SATL1: variants seen among roughly 807,000 people sequenced by gnomAD.
SATL1 encodes spermidine/spermine N(1)-acetyltransferase-like protein 1.
Under a neutral mutation model 51.8 loss-of-function variants are expected in SATL1, and 47 were observed. The observed-to-expected ratio is 0.91, with a 90% confidence interval of 0.72 to 1.16. SATL1 has a LOEUF of 1.16. Ranked by LOEUF, SATL1 falls within the 50% of genes most tolerant of loss-of-function variation. The pLI is 0.00. For missense variants in SATL1, 520 were observed against 526.4 expected, an observed-to-expected ratio of 0.99 and a Z score of 0.12; for synonymous variants, 176 against 182.4, an observed-to-expected ratio of 0.97 and a Z score of 0.28.
intron 2 of SATL1, chrX:85,219,825 A>G (rs1928132850): frequency 9.1e-6 from 1 of 109,351 alleles, no homozygotes; most frequent in Admixed American, 9.8e-5. Context: ...GGGTACTCAG[A>G]GTGGAGCAAG....
chrX:85,218,099 C>T (rs746912384), intron 2 of SATL1, among the ~76,000 whole-genome samples: 1 of 109,121 alleles, frequency 9.2e-6, no homozygotes, highest in South Asian at 3.9e-4. Flanking sequence ...GAACAACAGA[C>T]ACTGGGGATC....
intron 2 of SATL1, among the ~76,000 whole-genome samples, chrX:85,136,458 A>G (rs943440899): frequency 3.6e-5 from 4 of 111,875 alleles, no homozygotes; most frequent in Admixed American, 2.9e-4. Context: ...AAGACTGAAA[A>G]TATTGTCTAT....
chrX:85,239,204 T>C (rs748097897), intron 1 of SATL1, among the ~76,000 whole-genome samples: 20 of 111,785 alleles, frequency 1.8e-4, no homozygotes, highest in Non-Finnish European at 3.8e-4. Context: ...CCAGACATAT[T>C]ATATTCAAAC....
At chrX:85,167,756 A>G (rs771403680) in intron 2 of SATL1, among the ~76,000 whole-genome samples, 2 of 111,325 alleles carry the variant, frequency 1.8e-5, no homozygotes, top group African/African-American at 6.5e-5. Context: ...ATTCCAAAAA[A>G]TTGAGGAAGA....
intron 2 of SATL1, among the ~76,000 whole-genome samples, chrX:85,159,529 A>C (rs7063199): frequency 0.049 from 5,420 of 111,384 alleles, 369 homozygotes; most frequent in African/African-American, 0.17. Flanking sequence ...ACCCCCAATA[A>C]ATAGAAATAT....
chrX:85,126,513 C>T (rs929507766), intron 2 of SATL1, among the ~76,000 whole-genome samples: 1 of 111,253 alleles, frequency 9.0e-6, no homozygotes, highest in Non-Finnish European at 1.9e-5. Context: ...CAATCTAGCA[C>T]CAGAGTTTGT....
intron 6 of SATL1, among the ~76,000 whole-genome samples, chrX:85,093,593 G>A (rs1924595164): frequency 8.9e-6 from 1 of 112,586 alleles, no homozygotes. Context: ...ACATGTGATG[G>A]CACGATGGCT....
chrX:85,120,337 G>A (rs775221254), intron 2 of SATL1, among the ~76,000 whole-genome samples: 1 of 111,476 alleles, frequency 9.0e-6, no homozygotes, highest in Non-Finnish European at 1.9e-5. Flanking sequence ...CTCCAAAAGA[G>A]GAAAAATACC....
rs138975101 is a variant in SATL1 at position 85,127,333 on chromosome X, C to T, written c.-312-18053G>A. 2.5e-3 allele frequency among the ~76,000 whole-genome samples: 279 copies of T among 111,450 alleles called. 1 individual carries two copies. Among genetic ancestry groups the T allele is most frequent in the African/African-American group, 7.7e-3 (237 of 30,707 alleles). On this transcript the variant is annotated intron_variant, in intron 2 of 7. Coordinates refer to ENST00000644105, the MANE Select transcript of SATL1 (RefSeq NM_001367857.2). The stretch of plus-strand genomic sequence containing the variant: ...TTGAGGATCAAAGAAGACAATGTTT[C>T]TGAAAGTCCTTTTTAAACTCTAAAG...
Position 85,213,551 on chromosome X carries a change from T to C in SATL1, c.-313+10654A>G, listed in dbSNP as rs1326844041. ...TATTTGTTAACATAATAAGTTGTGG[T>C]TCTTTTGAGAGGGGGACATTTTTGG... is the stretch of plus-strand genomic sequence containing the variant. On this transcript the variant is annotated intron_variant, in intron 2 of 7. Coordinates refer to ENST00000644105, the MANE Select transcript of SATL1 (RefSeq NM_001367857.2). Among the ~76,000 whole-genome samples the C allele has an allele frequency of 3.6e-5, 4 of 111,634 alleles. No individual in the cohort carries two copies. The East Asian group carries it at 8.5e-4, about 24-fold the overall frequency.
intron 7 of SATL1, 33 bp downstream of exon 7, chrX:85,093,152 G>C (rs749552525): frequency 1.8e-6 from 2 of 1,128,386 alleles, no homozygotes; most frequent in South Asian, 4.0e-5. Flanking sequence ...AAAGGTTAAT[G>C]TATAGAATAT....
At chrX:85,146,991 C>T (rs908527984) in intron 2 of SATL1, among the ~76,000 whole-genome samples, 3 of 112,461 alleles carry the variant, frequency 2.7e-5, no homozygotes, top group Admixed American at 9.3e-5. Context: ...TGCAGCGCAC[C>T]GTGCGAGAGC....
At chrX:85,175,553 A>C (rs1258145095) in intron 2 of SATL1, among the ~76,000 whole-genome samples, 1 of 111,838 alleles carries the variant, frequency 8.9e-6, no homozygotes, top group African/African-American at 3.2e-5. Context: ...ATTAACCAGA[A>C]TCCCAGGAAG....
At chrX:85,115,536 A>G (rs1192076120) in intron 2 of SATL1, among the ~76,000 whole-genome samples, 2 of 112,355 alleles carry the variant, frequency 1.8e-5, no homozygotes, top group Non-Finnish European at 3.8e-5. Context: ...ATATCCACAG[A>G]GGAGCCCATG....
chrX:85,188,037 A>G (rs1927351416), intron 2 of SATL1, among the ~76,000 whole-genome samples: 1 of 111,605 alleles, frequency 9.0e-6, no homozygotes, highest in African/African-American at 3.3e-5. Flanking sequence ...TTGTTCATCT[A>G]AAAATTACTA....
rs1285402402 is a variant in SATL1, at chrX:85,127,239, C to A, written c.-312-17959G>T. Among the ~76,000 whole-genome samples the A allele has an allele frequency of 2.7e-5, 3 of 110,874 alleles. No individual in the cohort carries two copies. The East Asian group carries it at 8.5e-4, about 32-fold the overall frequency. On this transcript the variant is annotated intron_variant, in intron 2 of 7. Transcript: ENST00000644105. ...CTCTGAGCCTGATCCTCTACCGCCTCACTTCACCCCACTCCTGTTTTCTCA... is the reference window on the plus strand; with the variant it reads ...CTCTGAGCCTGATCCTCTACCGCCTAACTTCACCCCACTCCTGTTTTCTCA...
At chrX:85,110,674 G>A (rs377241232) in intron 2 of SATL1, among the ~76,000 whole-genome samples, 16 of 111,636 alleles carry the variant, frequency 1.4e-4, no homozygotes, top group African/African-American at 5.2e-4. Context: ...TTAAATTAGA[G>A]ACCCCAATCA....
At chrX:85,220,644 T>TA (rs57383092) in intron 2 of SATL1, among the ~76,000 whole-genome samples, 545 of 24,144 alleles carry the variant, frequency 0.023, 137 homozygotes, top group Non-Finnish European at 0.027. Flanking sequence ...ACTTCTGTGT[T>TA]AAAAAAAAAA....
intron 2 of SATL1, among the ~76,000 whole-genome samples, chrX:85,153,215 C>T (rs1926508234): frequency 9.0e-6 from 1 of 110,522 alleles, no homozygotes; most frequent in Non-Finnish European, 1.9e-5. Context: ...AGTCTTTTCT[C>T]ATCTTTTCAT....
Sources: gnomAD v4.1 joint callset for allele counts (sites outside exome capture counted in the v4.1 genomes callset) on GRCh38, gnomAD v4.1.1 for gene constraint, MANE v1.5 for transcripts, NCBI Gene and HGNC (gene_info 2026-07-23, HGNC 2026-07-21) for gene names.